PTPRG: variants seen among roughly 807,000 people sequenced by gnomAD.
PTPRG encodes receptor-type tyrosine-protein phosphatase gamma.
Under a neutral mutation model 165.3 loss-of-function variants are expected in PTPRG, and 102 were observed. The observed-to-expected ratio is 0.62, with a 90% confidence interval of 0.53 to 0.73. PTPRG has a LOEUF of 0.73. PTPRG is among the 30% of genes least tolerant of loss of function. The pLI, the probability that PTPRG is intolerant of heterozygous loss-of-function variation, is 0.00. For missense variants in PTPRG, 1,866 were observed against 1,861.4 expected, an observed-to-expected ratio of 1.00 and a Z score of -0.05; for synonymous variants, 675 against 669.5, an observed-to-expected ratio of 1.01 and a Z score of -0.13.
intron 2 of PTPRG, among the ~76,000 whole-genome samples, chr3:61,803,647 G>T (rs1016101600): frequency 1.3e-5 from 2 of 151,948 alleles, no homozygotes; most frequent in Non-Finnish European, 2.9e-5. Flanking sequence ...CTTCCTGAAT[G>T]TTGCACTTTT....
In PTPRG at chr3:62,003,373, A is replaced by C. The variant is rs373590197; in HGVS notation, c.395A>C (p.Tyr132Ser). 5 of 1,613,878 alleles carry C rather than the reference A, an allele frequency of 3.1e-6. No homozygotes were observed. Among genetic ancestry groups the C allele is most frequent in the Non-Finnish European group, 1.7e-6 (2 of 1,179,882 alleles). The stretch of plus-strand genomic sequence containing the variant: ...GTCGCCATCCTTCTGAAAGACGACT[A>C]TTTTGTCAGTGGAGCTGGTCTACCT... ...KTVAILLKDD[Y>S]FVSGAGLPGR... is the part of the protein sequence containing the mutation. The change falls in exon 4 of 30, where the codon TAT becomes TCT. Residue 132 changes from tyrosine (Y) to serine (S), a missense_variant. Around this residue, in one of 3 missense-constraint regions of PTPRG, gnomAD observed 408 missense variants for 376.2 expected, o/e 1.08. Transcript: ENST00000474889.
intron 28 of PTPRG, among the ~76,000 whole-genome samples, chr3:62,287,341 C>T (rs1702702984): frequency 6.6e-6 from 1 of 151,956 alleles, no homozygotes; most frequent in African/African-American, 2.4e-5. Flanking sequence ...AGACAACATG[C>T]TGAACAAGAA....
rs2038502352 is a variant in PTPRG, at chr3:61,901,667, C to G, written c.191-87958C>G. Among the ~76,000 whole-genome samples, 3 of 152,160 alleles carry G rather than the reference C, an allele frequency of 2.0e-5. 1 individual carries two copies. The South Asian group carries it at 6.2e-4, about 31-fold the overall frequency. On this transcript the variant is annotated intron_variant, in intron 2 of 29. Coordinates refer to ENST00000474889, the MANE Select transcript of PTPRG (RefSeq NM_002841.4). ...CTAAGCGTTAATAGCATCCCAGATT[C>G]TTCAATCCAGCAAGCTTTAGAGCCT...
intron 2 of PTPRG, among the ~76,000 whole-genome samples, chr3:61,832,740 G>A (rs2036333372): frequency 6.6e-6 from 1 of 152,164 alleles, no homozygotes; most frequent in South Asian, 2.1e-4. Flanking sequence ...TTGGGGAACA[G>A]GGTATTTGGT....
chr3:61,852,608 C>G (rs1413685541), intron 2 of PTPRG, among the ~76,000 whole-genome samples: 1 of 151,946 alleles, frequency 6.6e-6, no homozygotes, highest in African/African-American at 2.4e-5. Flanking sequence ...AAGCTGAGTC[C>G]CAGAGAGTTA....
chr3:61,899,329 G>T (rs780341963), intron 2 of PTPRG, among the ~76,000 whole-genome samples: 1 of 152,058 alleles, frequency 6.6e-6, no homozygotes, highest in African/African-American at 2.4e-5. Context: ...AATAGGAGGT[G>T]GTTTTGGAAT....
intron 5 of PTPRG, among the ~76,000 whole-genome samples, chr3:62,082,639 A>T (rs960773375): frequency 6.6e-6 from 1 of 152,222 alleles, no homozygotes; most frequent in African/African-American, 2.4e-5. Flanking sequence ...TAAGATCATG[A>T]TGACTGGCCC....
intron 1 of PTPRG, among the ~76,000 whole-genome samples, chr3:61,648,572 G>A (rs958571287): frequency 2.0e-5 from 3 of 152,236 alleles, no homozygotes; most frequent in Admixed American, 6.5e-5. Flanking sequence ...GCAGCTAAAT[G>A]CAGGGTGTTT....
At chr3:62,080,058 G>C (rs1489693477) in intron 5 of PTPRG, among the ~76,000 whole-genome samples, 1 of 129,418 alleles carries the variant, frequency 7.7e-6, no homozygotes, top group African/African-American at 3.6e-5. Flanking sequence ...GACCCCTTCG[G>C]TTCATTTTTT....
At chr3:62,173,658 C>G (rs1189573289) in intron 8 of PTPRG, among the ~76,000 whole-genome samples, 1 of 152,196 alleles carries the variant, frequency 6.6e-6, no homozygotes, top group Non-Finnish European at 1.5e-5. Context: ...GGTAACCACC[C>G]ACTTACACTT....
intron 1 of PTPRG, among the ~76,000 whole-genome samples, chr3:61,717,982 C>T (rs1271361974): frequency 6.6e-6 from 1 of 151,692 alleles, no homozygotes; most frequent in African/African-American, 2.4e-5. Flanking sequence ...GAGATTGAGA[C>T]CAGCCTGGCC....
intron 3 of PTPRG, among the ~76,000 whole-genome samples, chr3:62,002,206 G>T (rs2041186939): frequency 6.6e-6 from 1 of 152,134 alleles, no homozygotes; most frequent in Admixed American, 6.6e-5. Context: ...CAGTATTCTA[G>T]AAATGGGTCA....
intron 4 of PTPRG, among the ~76,000 whole-genome samples, chr3:62,004,724 C>T (rs2041255134): frequency 6.6e-6 from 1 of 152,212 alleles, no homozygotes; most frequent in Admixed American, 6.5e-5. Flanking sequence ...GTAACAGTTC[C>T]AGCCGATGGC....
chr3:61,594,239 G>T (rs542857032), intron 1 of PTPRG, among the ~76,000 whole-genome samples: 22 of 152,068 alleles, frequency 1.4e-4, no homozygotes, highest in African/African-American at 4.8e-4. Context: ...CACAAAGAGA[G>T]GATGAAAATA....
rs946013605 is a variant in PTPRG at position 62,132,510 on chromosome 3, C to G, written c.616-92C>G. ...CCTAAGCAGCTTGCTAGATAACATT[C>G]TATTCTCCCCCTTCTCTTTAGAAGA... On this transcript the variant is annotated intron_variant, in intron 5 of 29. Transcript: ENST00000474889. 4 of 1,020,886 alleles carry G rather than the reference C, an allele frequency of 3.9e-6. No homozygotes were observed. In the Admixed American group the frequency reaches 6.8e-5, roughly 17 times the overall value. The allele number at this position is 1,020,886 out of a possible 1,614,324, so 63.2% of individuals were successfully genotyped here. A position where few individuals can be genotyped will look rare whatever the true frequency, so the allele number is the denominator to read the frequency against.
intron 6 of PTPRG, among the ~76,000 whole-genome samples, chr3:62,141,202 A>G (rs984401265): frequency 6.6e-6 from 1 of 152,182 alleles, no homozygotes; most frequent in Non-Finnish European, 1.5e-5. Flanking sequence ...TGGTAAGGAG[A>G]TAACTGATAT....
chr3:61,914,121 A>G (rs1027295613), intron 2 of PTPRG, among the ~76,000 whole-genome samples: 5 of 152,144 alleles, frequency 3.3e-5, no homozygotes, highest in African/African-American at 1.2e-4. Flanking sequence ...TCTCATCTAC[A>G]GTTCAGTGGT....
At chr3:61,743,466 T>C (rs1486678802) in intron 1 of PTPRG, among the ~76,000 whole-genome samples, 4 of 152,122 alleles carry the variant, frequency 2.6e-5, no homozygotes, top group Non-Finnish European at 5.9e-5. Flanking sequence ...ACTACTTAAA[T>C]GTGATATTCC....
intron 28 of PTPRG, among the ~76,000 whole-genome samples, chr3:62,290,330 C>T (rs1323414013): frequency 6.6e-6 from 1 of 152,088 alleles, no homozygotes; most frequent in Non-Finnish European, 1.5e-5. Flanking sequence ...AAAATCCCAA[C>T]AAAAATGTTT....
Sources: allele counts gnomAD v4.1 joint callset (sites outside exome capture counted in the v4.1 genomes callset), GRCh38; gene constraint gnomAD v4.1.1; regional missense constraint gnomAD v4.1.1; transcripts MANE v1.5; gene names NCBI Gene and HGNC (gene_info 2026-07-23, HGNC 2026-07-21).